JAG2: variants seen among roughly 807,000 people sequenced by gnomAD.
The protein encoded by JAG2 is protein jagged-2.
JAG2 carries 46 observed loss-of-function variants against 141.7 expected under a neutral mutation model. The observed-to-expected ratio is 0.32, with a 90% CI of 0.26 to 0.42. The LOEUF (loss-of-function observed/expected upper bound fraction) is 0.42. Ranked by LOEUF, JAG2 falls within the 10% of genes least tolerant of loss-of-function variation. The pLI is 1.00. For synonymous variants in JAG2, 862 were observed against 763.5 expected (o/e 1.13, Z -2.13); for missense variants, 1,500 against 1,817.5 (o/e 0.83, Z 3.18).
chr14:105,148,058 G>C (rs917291269), intron 17 of JAG2, 58 bp downstream of exon 17: 1 of 1,404,680 alleles, frequency 7.1e-7, no homozygotes, highest in African/African-American at 1.4e-5. Context: ...GCGCCCGAGG[G>C]AGCGGTGCCT....
At position 105,150,895 on chromosome 14, in the gene JAG2, G is replaced by T. The variant is rs745702951; in HGVS notation, c.1398C>A (p.Arg466=). Residue 466 remains arginine, a synonymous_variant, in exon 11 of 26, where the codon CGC becomes CGA. Coordinates refer to ENST00000331782, the MANE Select transcript of JAG2 (RefSeq NM_002226.5). ...INCHINVNDC[R]GQCQHGGTCK... ...AGGTGCCCCCATGCTGACACTGCCC[G>T]CGACAGTCGTTGACGTCTGGGGGCA... 20 of 1,591,714 alleles carry T rather than the reference G, an allele frequency of 1.3e-5. No homozygotes were observed. In the South Asian group the frequency reaches 2.3e-4, roughly 18 times the overall value.
intron 12 of JAG2, among the ~76,000 whole-genome samples, chr14:105,150,339 T>C (rs1187191819): frequency 1.3e-5 from 2 of 152,040 alleles, no homozygotes; most frequent in Non-Finnish European, 2.9e-5. Flanking sequence ...CAGATAGGCC[T>C]GGGCAGCCAG....
chr14:105,147,142 G>C, intron 20 of JAG2, 184 bp downstream of exon 20: 2 of 645,880 alleles, frequency 3.1e-6, no homozygotes, highest in Admixed American at 2.2e-5. Context: ...TTAATCACTT[G>C]GCAGGGTATA....
At chr14:105,152,760 A>G (rs1201748094) in intron 5 of JAG2, among the ~76,000 whole-genome samples, 3 of 152,112 alleles carry the variant, frequency 2.0e-5, no homozygotes, top group African/African-American at 7.2e-5. Flanking sequence ...CCTCAAAGGC[A>G]GTCATTTCGC....
At chr14:105,145,484 G>A (rs1393344616) in intron 23 of JAG2, among the ~76,000 whole-genome samples, 1 of 152,190 alleles carries the variant, frequency 6.6e-6, no homozygotes, top group Non-Finnish European at 1.5e-5. Flanking sequence ...GTCAGTCCAG[G>A]CCCTCAGGGC....
intron 5 of JAG2, among the ~76,000 whole-genome samples, chr14:105,153,861 TC>T (rs1241841491): frequency 6.6e-6 from 1 of 152,180 alleles, no homozygotes; most frequent in Non-Finnish European, 1.5e-5. Context: ...GGCACTGCCA[TC>T]CAGGTTGTGT....
chr14:105,149,210 G>A lies in JAG2; in HGVS notation c.1713C>T (p.Cys571=). 6.2e-7 allele frequency: 1 copy of A among 1,612,108 alleles called. No homozygotes were observed. Among genetic ancestry groups the A allele is most frequent in the Non-Finnish European group, 8.5e-7 (1 of 1,179,848 alleles). Reference sequence around the variant, plus strand: ...CAGGGCACGGCTCGCGGGGCACGGAGCAGTTCTTGCCACCAAAGTCATCAG... The same window carrying A: ...CAGGGCACGGCTCGCGGGGCACGGAACAGTTCTTGCCACCAAAGTCATCAG... ...ACPDDFGGKN[C]SVPREPCPGG... The change falls in exon 13 of 26, where the codon TGC becomes TGT. Residue 571 remains cysteine (C), a synonymous_variant. Coordinates refer to ENST00000331782, the MANE Select transcript of JAG2 (RefSeq NM_002226.5).
chr14:105,164,299 C>G (rs930684747), intron 2 of JAG2, among the ~76,000 whole-genome samples: 3 of 152,212 alleles, frequency 2.0e-5, no homozygotes, highest in Admixed American at 6.5e-5. Context: ...AACCAGACCC[C>G]CAATGTACAA....
At chr14:105,144,533 C>T (rs1474502559) in intron 24 of JAG2, among the ~76,000 whole-genome samples, 1 of 152,200 alleles carries the variant, frequency 6.6e-6, no homozygotes, top group Non-Finnish European at 1.5e-5. Context: ...TCTCACCCGA[C>T]CCCCTTGGTA....
rs1310970369 is a variant in JAG2, at chr14:105,167,679, TG to T, written c.417+77del. 4.6e-6 allele frequency: 6 copies of T among 1,300,784 alleles called. No homozygotes were observed. The highest frequency in any genetic ancestry group is 5.8e-6 in the Non-Finnish European group (6 of 1,026,118). The allele number at this position is 1,300,784 out of a possible 1,614,324, so 80.6% of individuals were successfully genotyped here. ...CGCACGCAGACCCGGCCGCAGGTGT[TG>T]GGGGTCGCGAAGCGCGCGGGGCCGG... On this transcript the variant is annotated intron_variant, in intron 2 of 25. Transcript: ENST00000331782. This position sits in a 1 kb window ranked among gnomAD's most constrained non-coding sequence, Gnocchi z 4.8.
At chr14:105,143,456 C>G in intron 25 of JAG2, 26 bp downstream of exon 25, 2 of 1,541,576 alleles carry the variant, frequency 1.3e-6, no homozygotes, top group Non-Finnish European at 8.7e-7. Flanking sequence ...CTGGTGCCTT[C>G]CCAGGGGCCC....
intron 2 of JAG2, among the ~76,000 whole-genome samples, chr14:105,162,986 C>T (rs1566770521): frequency 6.6e-6 from 1 of 151,840 alleles, no homozygotes; most frequent in Non-Finnish European, 1.5e-5. Context: ...TCAAGGCCAA[C>T]ACAGCCTCCC....
rs753968927 is a variant in JAG2, at chr14:105,151,313, C to T, written c.1237G>A (p.Glu413Lys). 8.1e-6 allele frequency: 13 copies of T among 1,612,688 alleles called. No individual in the cohort carries two copies. Among genetic ancestry groups the T allele is most frequent in the South Asian group, 1.1e-5 (1 of 91,080 alleles). The change falls in exon 9 of 26, where the codon GAG becomes AAG. Residue 413 changes from glutamate (E) to lysine (K), a missense_variant. By Grantham distance (56) the Glu-to-Lys change is moderately conservative. This residue lies in a region of JAG2 where 875 missense variants were observed against 1,202.2 expected (regional missense o/e 0.73). Coordinates refer to ENST00000331782, the MANE Select transcript of JAG2 (RefSeq NM_002226.5). ...QVDGFECICPEQWVGATCQLD... is the reference protein window; with the variant it reads ...QVDGFECICPKQWVGATCQLD... ...TGGCAGGTGGCCCCCACCCACTGCT[C>T]GGGGCAGATGCACTCAAAGCCGTCC...
chr14:105,148,655 G>T, intron 15 of JAG2, 90 bp downstream of exon 15: 2 of 1,215,558 alleles, frequency 1.6e-6, no homozygotes, highest in Non-Finnish European at 2.3e-6. Flanking sequence ...TACGGGGCCT[G>T]CCGCACCCAG....
chr14:105,160,106 C>CA (rs1888701095), intron 2 of JAG2, among the ~76,000 whole-genome samples: 1 of 17,326 alleles, frequency 5.8e-5, no homozygotes, highest in Non-Finnish European at 1.2e-4. Context: ...CATACCCCCC[C>CA]AGGGCTCCAT....
At chr14:105,165,184 C>T (rs773754149) in intron 2 of JAG2, among the ~76,000 whole-genome samples, 14 of 152,110 alleles carry the variant, frequency 9.2e-5, no homozygotes, top group Middle Eastern at 3.2e-3. Context: ...GCCCAGGTCA[C>T]GGCCAACTGC....
intron 3 of JAG2, among the ~76,000 whole-genome samples, chr14:105,157,383 A>T (rs140378183): frequency 3.9e-5 from 6 of 152,168 alleles, no homozygotes; most frequent in Non-Finnish European, 8.8e-5. Context: ...TCCATGCTCC[A>T]GTACAGACAA....
intron 2 of JAG2, among the ~76,000 whole-genome samples, chr14:105,166,467 C>T (rs1888913437): frequency 6.6e-6 from 1 of 152,252 alleles, no homozygotes; most frequent in South Asian, 2.1e-4. Flanking sequence ...CATGCCCGCC[C>T]CTGCCTTTTC....
At chr14:105,151,530 G>T in intron 8 of JAG2, 96 bp downstream of exon 8, 1 of 1,335,638 alleles carries the variant, frequency 7.5e-7, no homozygotes, top group Non-Finnish European at 1.1e-6. Context: ...CACACGTGTG[G>T]ACTTGACCAC....
Sources: allele counts gnomAD v4.1 joint callset (sites outside exome capture counted in the v4.1 genomes callset), GRCh38; gene constraint gnomAD v4.1.1; regional missense constraint gnomAD v4.1.1; non-coding constraint Gnocchi (gnomAD v3.1); transcripts MANE v1.5; gene names NCBI Gene and HGNC (gene_info 2026-07-23, HGNC 2026-07-21).